Variants in NTAN1 observed in about 807,000 individuals in gnomAD.
NTAN1 encodes the protein protein N-terminal asparagine amidohydrolase.
NTAN1 carries 32 observed loss-of-function variants against 41.9 expected under a neutral mutation model. The observed-to-expected ratio is 0.76, with a 90% CI of 0.58 to 1.03. The LOEUF (loss-of-function observed/expected upper bound fraction) is 1.03, where lower values mean the gene tolerates loss of function less well. NTAN1 is among the 50% of genes least tolerant of loss of function. NTAN1 has a pLI of 0.00. For synonymous variants in NTAN1, 140 were observed against 139.5 expected, an observed-to-expected ratio of 1.00 and a Z score of -0.03; for missense variants, 377 against 377.5, an observed-to-expected ratio of 1.00 and a Z score of 0.01.
intron 1 of NTAN1, among the ~76,000 whole-genome samples, chr16:15,054,097 A>C (rs72774845): frequency 0.31 from 46,414 of 152,042 alleles, 7,585 homozygotes; most frequent in Admixed American, 0.45. Context: ...ACTGGCCAGG[A>C]CACCCACCCA....
At chr16:15,052,600 G>A (rs933991650) in intron 1 of NTAN1, among the ~76,000 whole-genome samples, 3 of 152,202 alleles carry the variant, frequency 2.0e-5, no homozygotes, top group African/African-American at 7.2e-5. Flanking sequence ...TTTGGAGGCC[G>A]AGGCGAGATG....
intron 6 of NTAN1, among the ~76,000 whole-genome samples, 184 bp from the exon 7 acceptor site, chr16:15,041,305 A>C (rs560610780): frequency 6.6e-6 from 1 of 152,130 alleles, no homozygotes; most frequent in Non-Finnish European, 1.5e-5. Context: ...TATACTGAAC[A>C]AACTGGCAGC....
chr16:15,041,520 G>T (rs984712259), intron 6 of NTAN1, 103 bp downstream of exon 6: 3 of 816,612 alleles, frequency 3.7e-6, no homozygotes, highest in African/African-American at 1.7e-5. Flanking sequence ...TGGTGGCCAA[G>T]CAGTGACAGC....
At chr16:15,052,833 AAAAT>A (rs964234228) in intron 1 of NTAN1, among the ~76,000 whole-genome samples, 3 of 152,108 alleles carry the variant, frequency 2.0e-5, no homozygotes, top group East Asian at 1.9e-4. Flanking sequence ...TCTCAAAAAA[AAAAT>A]AAATAAATAA....
At chr16:15,048,911 A>G (rs4985123) in intron 1 of NTAN1, among the ~76,000 whole-genome samples, 40,862 of 138,538 alleles carry the variant, frequency 0.29, 6,060 homozygotes, top group Admixed American at 0.44. Context: ...GGCACACACC[A>G]CCACACCTGG....
In NTAN1 at chr16:15,047,427, C is replaced by G. The variant is rs2044120016; in HGVS notation, c.359+15G>C. 1 of 1,481,230 alleles carries G rather than the reference C, an allele frequency of 6.8e-7. No individual in the cohort carries two copies. The highest frequency in any genetic ancestry group is 9.4e-7 in the Non-Finnish European group (1 of 1,058,640). 91.8% of individuals were successfully genotyped at this position (1,481,230 alleles called of 1,614,324 possible). A position where few individuals can be genotyped will look rare whatever the true frequency, so the allele number is the denominator to read the frequency against. On this transcript the variant is annotated intron_variant, in intron 4 of 9. Transcript: ENST00000287706. ...CAAGATCTCAATTCACCTATGAGAGCAGCGTAGATCTCACCTTCCACATTG... is the reference window on the plus strand; with the variant it reads ...CAAGATCTCAATTCACCTATGAGAGGAGCGTAGATCTCACCTTCCACATTG...
Position 15,044,386 on chromosome 16 carries a change from T to C in NTAN1, c.381A>G (p.Gly127=). 6.2e-7 allele frequency: 1 copy of C among 1,613,184 alleles called. No homozygotes were observed. The highest frequency in any genetic ancestry group is 8.5e-7 in the Non-Finnish European group (1 of 1,179,162). Reference sequence around the variant, plus strand: ...ACAACTGCCTGTCGTCACTGAAGCCTCCAACAAGGTGTACTTCCAGCCTGG... The same window carrying C: ...ACAACTGCCTGTCGTCACTGAAGCCCCCAACAAGGTGTACTTCCAGCCTGG... The part of the protein sequence containing the change: ...QCGRLEVHLV[G]GFSDDRQLSQ... The change falls in exon 5 of 10, where the codon GGA becomes GGG. Residue 127 remains glycine, a synonymous_variant. Transcript: ENST00000287706.
intron 4 of NTAN1, chr16:15,044,682 T>C: frequency 2.0e-6 from 1 of 508,412 alleles, no homozygotes; most frequent in South Asian, 2.5e-5. Flanking sequence ...GGAACTTTGC[T>C]CTGGAAGAGC....
At chr16:15,039,740 A>T (rs1371103410) in intron 8 of NTAN1, among the ~76,000 whole-genome samples, 1 of 152,028 alleles carries the variant, frequency 6.6e-6, no homozygotes, top group African/African-American at 2.4e-5. Context: ...GTTCACACTT[A>T]CCTCCCACAC....
intron 1 of NTAN1, among the ~76,000 whole-genome samples, chr16:15,053,904 T>C (rs2044394864): frequency 6.6e-6 from 1 of 152,062 alleles, no homozygotes; most frequent in Non-Finnish European, 1.5e-5. Context: ...AGAACAAAAC[T>C]AAGTCTCAAA....
At position 15,037,891 on chromosome 16, in the gene NTAN1, TG is replaced by T. The variant is rs1267818769; in HGVS notation, c.*139del. ...ATAAGGTTTTATTTTGAAAGTCATT[TG>T]ATGAAAGTCATTTGAAAGACACTGA... is the stretch of plus-strand genomic sequence containing the variant. On this transcript the variant is annotated 3_prime_UTR_variant, in exon 10 of 10. Coordinates refer to ENST00000287706, the MANE Select transcript of NTAN1 (RefSeq NM_173474.4). 9 of 575,380 alleles carry T rather than the reference TG, an allele frequency of 1.6e-5. No homozygotes were observed. Among genetic ancestry groups the T allele is most frequent in the Non-Finnish European group, 2.8e-5 (9 of 324,300 alleles). 35.6% of individuals were successfully genotyped at this position (575,380 alleles called of 1,614,324 possible). A position where few individuals can be genotyped will look rare whatever the true frequency, so the allele number is the denominator to read the frequency against.
chr16:15,050,001 C>CA (rs2044234318), intron 1 of NTAN1, among the ~76,000 whole-genome samples: 1 of 152,048 alleles, frequency 6.6e-6, no homozygotes. Flanking sequence ...ATGGCTGTGC[C>CA]AAAAAAGCAA....
rs2043738166 is a variant in NTAN1, at chr16:15,040,005, C to T, written c.603G>A (p.Glu201=). The part of the protein sequence containing the change: ...RASFQDRGPE[E]QLRAARTLAG... ...CTAAAGTTCGCGCAGCACGAAGCTG[C>T]TCCTCCGGACCCCGATCTTGAAAGG... Residue 201 remains glutamate (E), a synonymous_variant, in exon 8 of 10, where the codon GAG becomes GAA. Coordinates refer to ENST00000287706, the MANE Select transcript of NTAN1 (RefSeq NM_173474.4). 1 of 1,611,734 alleles carries T rather than the reference C, an allele frequency of 6.2e-7. No homozygotes were observed. Among genetic ancestry groups the T allele is most frequent in the Admixed American group, 1.7e-5 (1 of 59,894 alleles).
chr16:15,043,836 T>A (rs1171297568), intron 5 of NTAN1, among the ~76,000 whole-genome samples: 1 of 151,914 alleles, frequency 6.6e-6, no homozygotes, highest in Non-Finnish European at 1.5e-5. Context: ...TGATCCCAGC[T>A]ACTCAGGAGG....
At position 15,037,914 on chromosome 16, in the gene NTAN1, CTGAGGAGGGAAGGAGGCCTAAG is replaced by C; in HGVS notation, c.*95_*116del. The C allele has an allele frequency of 1.6e-6, 1 of 637,824 alleles. No individual in the cohort carries two copies. The highest frequency in any genetic ancestry group is 2.7e-6 in the Non-Finnish European group (1 of 364,024). 39.5% of individuals were successfully genotyped at this position (637,824 alleles called of 1,614,324 possible). ...TTTGATGAAAGTCATTTGAAAGACA[CTGAGGAGGGAAGGAGGCCTAAG>C]ACCCAACAGATGTAGGATCCAGATC... On this transcript the variant is annotated 3_prime_UTR_variant, in exon 10 of 10. Transcript: ENST00000287706.
chr16:15,041,564 T>A (rs1482746592), intron 6 of NTAN1, 59 bp downstream of exon 6: 2 of 1,201,184 alleles, frequency 1.7e-6, no homozygotes, highest in Non-Finnish European at 2.5e-6. Context: ...ACTGCAAGAC[T>A]GGGGACAAAA....
intron 5 of NTAN1, 83 bp from the exon 6 acceptor site, chr16:15,041,759 A>AG: frequency 2.0e-6 from 2 of 986,678 alleles, no homozygotes; most frequent in Non-Finnish European, 1.6e-6. Flanking sequence ...AACGACAGGG[A>AG]GGGACGGCAG....
intron 8 of NTAN1, 135 bp downstream of exon 8, chr16:15,039,834 T>C (rs1441900565): frequency 4.6e-6 from 3 of 654,782 alleles, no homozygotes; most frequent in Non-Finnish European, 8.2e-6. Context: ...GGTATATGTA[T>C]GTGCTGGTCC....
intron 1 of NTAN1, 126 bp from the exon 2 acceptor site, chr16:15,048,225 G>A: frequency 1.6e-6 from 1 of 638,150 alleles, no homozygotes; most frequent in Non-Finnish European, 2.8e-6. Flanking sequence ...GTGTGTTAGT[G>A]GACAGAGAGG....
Sources: gnomAD v4.1 joint callset for allele counts (sites outside exome capture counted in the v4.1 genomes callset) on GRCh38, gnomAD v4.1.1 for gene constraint, MANE v1.5 for transcripts, NCBI Gene and HGNC (gene_info 2026-07-23, HGNC 2026-07-21) for gene names.